TBCD: variants seen among roughly 807,000 people sequenced by gnomAD.
The protein encoded by TBCD is tubulin-specific chaperone D.
TBCD carries 105 observed loss-of-function variants against 169.3 expected under a neutral mutation model. The ratio of observed to expected loss-of-function variants is 0.62; its 90% CI spans 0.53 to 0.73. The LOEUF is 0.73. Among genes scored for constraint, TBCD ranks in the 30% least tolerant of loss-of-function variants. TBCD has a pLI of 0.00. For synonymous variants in TBCD, 700 were observed against 643.9 expected (o/e 1.09, Z -1.32); for missense variants, 1,444 against 1,600.1 (o/e 0.90, Z 1.66).
chr17:82,834,279 C>T (rs2145319185), intron 13 of TBCD, among the ~76,000 whole-genome samples: 1 of 152,286 alleles, frequency 6.6e-6, no homozygotes, highest in East Asian at 1.9e-4. Context: ...CTGGGACTGT[C>T]CACCTGGCAG....
chr17:82,752,524 C>A, intron 1 of TBCD, 147 bp downstream of exon 1: 1 of 629,536 alleles, frequency 1.6e-6, no homozygotes, highest in Non-Finnish European at 2.1e-6. Flanking sequence ...CGTGGTGGGG[C>A]GCGGCCTTCC....
At chr17:82,848,712 C>T (rs1176758540) in intron 13 of TBCD, among the ~76,000 whole-genome samples, 2 of 152,130 alleles carry the variant, frequency 1.3e-5, no homozygotes, top group Non-Finnish European at 1.5e-5. Flanking sequence ...AAAAACCTAA[C>T]GATGAAAATA....
rs2063610016 is a variant in TBCD, at chr17:82,945,239, A to AT, written c.*2778dup. On this transcript the variant is annotated 3_prime_UTR_variant, in exon 39 of 39. Coordinates refer to ENST00000355528, the MANE Select transcript of TBCD (RefSeq NM_005993.5). ...TTAGAAAACTGGAAGATCTGAAAACATTATCCAGAGAACTGGAAGATATGA... is the reference window on the plus strand; with the variant it reads ...TTAGAAAACTGGAAGATCTGAAAACATTTATCCAGAGAACTGGAAGATATGA... 6.6e-6 allele frequency: 1 copy of AT among 152,194 alleles called. No homozygotes were observed. Among genetic ancestry groups the AT allele is most frequent in the African/African-American group, 2.4e-5 (1 of 41,414 alleles). 9.4% of individuals were successfully genotyped at this position (152,194 alleles called of 1,614,324 possible).
At chr17:82,918,353 C>G (rs777926381) in intron 23 of TBCD, 1 of 152,370 alleles carries the variant, frequency 6.6e-6, no homozygotes, top group Admixed American at 6.5e-5. Context: ...ACCCTGCCCC[C>G]CTGCCACCAG....
intron 36 of TBCD, 108 bp downstream of exon 36, chr17:82,938,244 C>T: frequency 7.7e-7 from 1 of 1,291,108 alleles, no homozygotes; most frequent in South Asian, 1.3e-5. Context: ...CCAGCCGAGC[C>T]CCTCTCGTTA....
chr17:82,765,524 G>T (rs950884342), intron 3 of TBCD, among the ~76,000 whole-genome samples: 2 of 152,220 alleles, frequency 1.3e-5, no homozygotes, highest in South Asian at 2.1e-4. Flanking sequence ...GGGGCTTGGG[G>T]TTCGTAGTGG....
chr17:82,812,931 T>C (rs1341724984), intron 12 of TBCD, among the ~76,000 whole-genome samples: 1 of 152,194 alleles, frequency 6.6e-6, no homozygotes, highest in Non-Finnish European at 1.5e-5. Flanking sequence ...GTGATCCTCC[T>C]GCCTCAGCCT....
At chr17:82,824,919 CGTA>C (rs888121224) in intron 13 of TBCD, among the ~76,000 whole-genome samples, 3 of 151,752 alleles carry the variant, frequency 2.0e-5, no homozygotes, top group Non-Finnish European at 4.4e-5. Context: ...AATGCAGAAA[CGTA>C]GTTAAAAAAT....
At chr17:82,941,587 G>A (rs775098860) in intron 38 of TBCD, 104 bp downstream of exon 38, 9 of 1,020,874 alleles carry the variant, frequency 8.8e-6, no homozygotes, top group Non-Finnish European at 1.3e-5. Flanking sequence ...CGTCCACACG[G>A]CCCGTTCCCT....
intron 14 of TBCD, among the ~76,000 whole-genome samples, chr17:82,877,923 A>G (rs1260489621): frequency 6.6e-6 from 1 of 152,250 alleles, no homozygotes; most frequent in Non-Finnish European, 1.5e-5. Context: ...AGTTTCAAGT[A>G]GTGAAAGCAG....
chr17:82,883,657 G>A (rs2058524860), intron 14 of TBCD, among the ~76,000 whole-genome samples: 1 of 152,244 alleles, frequency 6.6e-6, no homozygotes, highest in South Asian at 2.1e-4. Flanking sequence ...TGCAGGGTTA[G>A]GCTCTGTGCA....
At chr17:82,764,303 A>G (rs1568098491) in intron 3 of TBCD, among the ~76,000 whole-genome samples, 3 of 152,202 alleles carry the variant, frequency 2.0e-5, no homozygotes, top group Non-Finnish European at 4.4e-5. Flanking sequence ...CTGTGTAGCT[A>G]GGAAGGGAAT....
chr17:82,811,995 A>G (rs1249089204), intron 12 of TBCD, among the ~76,000 whole-genome samples: 2 of 152,160 alleles, frequency 1.3e-5, no homozygotes, highest in African/African-American at 2.4e-5. Flanking sequence ...CAGGGGGTTC[A>G]GGATCTGTGT....
At chr17:82,931,501 C>G (rs539339970) in intron 33 of TBCD, among the ~76,000 whole-genome samples, 1 of 152,308 alleles carries the variant, frequency 6.6e-6, no homozygotes, top group East Asian at 1.9e-4. Context: ...TTCCTCCGTG[C>G]CGGTCGCTCA....
chr17:82,793,824 C>T (rs150274948), intron 7 of TBCD, among the ~76,000 whole-genome samples: 1,868 of 152,062 alleles, frequency 0.012, 20 homozygotes, highest in Non-Finnish European at 0.02. Flanking sequence ...GGCTACCCTC[C>T]GTGTGCTGAG....
intron 4 of TBCD, among the ~76,000 whole-genome samples, chr17:82,766,705 C>T (rs1004086153): frequency 2.0e-5 from 3 of 152,118 alleles, no homozygotes; most frequent in Non-Finnish European, 2.9e-5. Flanking sequence ...ACTTCCTGAG[C>T]GGGACTCACA....
intron 8 of TBCD, among the ~76,000 whole-genome samples, chr17:82,799,951 C>T (rs1378119682): frequency 6.6e-6 from 1 of 152,292 alleles, no homozygotes; most frequent in Non-Finnish European, 1.5e-5. Context: ...AACTGGTGAA[C>T]GTTCACTTTC....
intron 13 of TBCD, among the ~76,000 whole-genome samples, chr17:82,857,920 G>GTT (rs35517512): frequency 6.7e-6 from 1 of 149,774 alleles, no homozygotes; most frequent in African/African-American, 2.5e-5. Flanking sequence ...ATTTGTTTTA[G>GTT]TTTTTTTTTT....
intron 14 of TBCD, among the ~76,000 whole-genome samples, chr17:82,879,379 T>C (rs2058200321): frequency 6.6e-6 from 1 of 152,188 alleles, no homozygotes; most frequent in African/African-American, 2.4e-5. Flanking sequence ...TGTAGCACGC[T>C]CTGCTGCCGT....
Sources: gnomAD v4.1 joint callset for allele counts (sites outside exome capture counted in the v4.1 genomes callset) on GRCh38, gnomAD v4.1.1 for gene constraint, MANE v1.5 for transcripts, NCBI Gene and HGNC (gene_info 2026-07-23, HGNC 2026-07-21) for gene names.